STK26: variants seen among roughly 807,000 people sequenced by gnomAD.
STK26 encodes serine/threonine-protein kinase 26.
STK26 carries 14 observed loss-of-function variants against 34.7 expected under a neutral mutation model. The ratio of observed to expected loss-of-function variants is 0.40; its 90% CI spans 0.27 to 0.63. STK26 has a LOEUF of 0.63. Ranked by LOEUF, STK26 falls within the 30% of genes least tolerant of loss-of-function variation. The pLI, the probability that STK26 is intolerant of heterozygous loss-of-function variation, is 0.38. For missense variants in STK26, 226 were observed against 309.1 expected (o/e 0.73, Z 2.02); for synonymous variants, 100 against 109.8 (o/e 0.91, Z 0.56).
At chrX:132,037,769 C>CTTTT (rs755403402) in intron 2 of STK26, among the ~76,000 whole-genome samples, 1,264 of 51,785 alleles carry the variant, frequency 0.024, 46 homozygotes, top group Non-Finnish European at 0.035. Context: ...CGGAGAGCTG[C>CTTTT]TTTTTTTTTT....
At chrX:132,071,687 G>T (rs1018919071) in intron 8 of STK26, among the ~76,000 whole-genome samples, 2 of 111,748 alleles carry the variant, frequency 1.8e-5, no homozygotes, top group Non-Finnish European at 3.8e-5. Context: ...TGAAAAAGTT[G>T]TAGGGTTTTA....
chrX:132,027,569 C>G (rs1229829861), intron 2 of STK26, among the ~76,000 whole-genome samples: 1 of 111,809 alleles, frequency 8.9e-6, no homozygotes, highest in African/African-American at 3.3e-5. Context: ...TGCACACACA[C>G]ACACAATCTT....
chrX:132,030,362 T>G (rs188263236), intron 2 of STK26, among the ~76,000 whole-genome samples: 1 of 110,295 alleles, frequency 9.1e-6, no homozygotes, highest in East Asian at 2.8e-4. Flanking sequence ...TTCAGGGTCC[T>G]CTCACTGGTG....
At chrX:132,040,065 G>A (rs137969389) in intron 2 of STK26, among the ~76,000 whole-genome samples, 2 of 112,066 alleles carry the variant, frequency 1.8e-5, no homozygotes, top group African/African-American at 6.5e-5. Context: ...AATACTGTCT[G>A]TAACCTAGTC....
chrX:132,071,383 T>C lies in STK26; in HGVS notation c.932+166T>C, dbSNP rs184964156. Among the ~76,000 whole-genome samples, 252 of 112,474 alleles carry C rather than the reference T, an allele frequency of 2.2e-3. 1 individual carries two copies. The highest frequency in any genetic ancestry group is 7.7e-3 in the African/African-American group (240 of 31,028). On this transcript the variant is annotated intron_variant, in intron 8 of 11. Coordinates refer to ENST00000394334, the MANE Select transcript of STK26 (RefSeq NM_016542.4). ...TTCAATCACAGTCTGTGGAATACAA[T>C]GGAGTTGGAAACATGTTTTTCTTGG... is the stretch of plus-strand genomic sequence containing the variant.
At chrX:132,068,071 C>A (rs183268938) in intron 4 of STK26, 144 bp from the exon 5 acceptor site, 187 of 399,534 alleles carry the variant, frequency 4.7e-4, no homozygotes, top group Non-Finnish European at 8.6e-5. Flanking sequence ...TACATTTTTC[C>A]TTCCTTGTTT....
intron 2 of STK26, among the ~76,000 whole-genome samples, chrX:132,027,109 C>T (rs1267808871): frequency 4.5e-5 from 5 of 112,121 alleles, no homozygotes; most frequent in Non-Finnish European, 7.5e-5. Flanking sequence ...AAGTTTCTCA[C>T]TGGAAGTGTT....
chrX:132,054,608 T>C, intron 2 of STK26, 23 bp from the exon 3 acceptor site: 1 of 1,150,789 alleles, frequency 8.7e-7, no homozygotes. Context: ...TTCTTTCTTT[T>C]TCTCGTTCCC....
Position 132,033,646 on chromosome X carries a change from C to T in STK26, c.42+9987C>T, listed in dbSNP as rs143891184. 6.1e-3 allele frequency among the ~76,000 whole-genome samples: 679 copies of T among 111,271 alleles called. 2 individuals carry two copies. The highest frequency in any genetic ancestry group is 0.014 in the Middle Eastern group (3 of 218). ...CTTTACCAGCTTGGACAGTGGTGAC[C>T]CAGGTTTTATGTTTTTACACACACA... is the stretch of plus-strand genomic sequence containing the variant. On this transcript the variant is annotated intron_variant, in intron 2 of 11. Transcript: ENST00000394334.
At chrX:132,064,966 C>A (rs974414893) in intron 4 of STK26, among the ~76,000 whole-genome samples, 2 of 111,396 alleles carry the variant, frequency 1.8e-5, no homozygotes, top group African/African-American at 6.5e-5. Flanking sequence ...ATTTTCTTTC[C>A]TTTAGGCAGA....
In STK26 at chrX:132,071,198, G is replaced by C; in HGVS notation, c.913G>C (p.Asp305His). The change falls in exon 8 of 12, where the codon GAT becomes CAT. Residue 305 changes from aspartate to histidine, a missense_variant. Around this residue, in one of 2 missense-constraint regions of STK26, gnomAD observed 126 missense variants for 132.4 expected, o/e 0.95. Transcript: ENST00000394334. ...AGAAGGACACAGTGATGATGAATCT[G>C]ATTCCGAGGGCTCTGATTCGTATGT... ...KAEGHSDDES[D>H]SEGSDSESTS... 1 of 1,209,464 alleles carries C rather than the reference G, an allele frequency of 8.3e-7. No homozygotes were observed. The highest frequency in any genetic ancestry group is 1.8e-5 in the South Asian group (1 of 56,407).
chrX:132,066,335 A>T (rs753283594), intron 4 of STK26, among the ~76,000 whole-genome samples: 1 of 112,184 alleles, frequency 8.9e-6, no homozygotes, highest in African/African-American at 3.2e-5. Context: ...ACCATAAGAG[A>T]GGGCATAAAA....
At chrX:132,071,024 G>C in intron 7 of STK26, 45 bp from the exon 8 acceptor site, 1 of 1,150,215 alleles carries the variant, frequency 8.7e-7, no homozygotes, top group Non-Finnish European at 1.2e-6. Flanking sequence ...GTAATCATAA[G>C]AGTTCAACAA....
chrX:132,060,808 GGACT>G (rs1458218227), intron 3 of STK26, among the ~76,000 whole-genome samples: 1 of 108,824 alleles, frequency 9.2e-6, no homozygotes, highest in Non-Finnish European at 1.9e-5. Flanking sequence ...GTAGAGATGA[GGACT>G]CCCTATGTTG....
At chrX:132,024,896 T>A (rs1011560194) in intron 2 of STK26, among the ~76,000 whole-genome samples, 1 of 109,971 alleles carries the variant, frequency 9.1e-6, no homozygotes, top group Non-Finnish European at 1.9e-5. Flanking sequence ...TTAGGGCAAG[T>A]CTGGGTTGAG....
At chrX:132,072,117 C>T (rs903594553) in intron 8 of STK26, 151 bp from the exon 9 acceptor site, 10 of 462,638 alleles carry the variant, frequency 2.2e-5, no homozygotes, top group East Asian at 1.9e-4. Flanking sequence ...ATGTAGTATT[C>T]GCCTGAAGCT....
chrX:132,059,809 G>A (rs983788423), intron 3 of STK26, among the ~76,000 whole-genome samples: 2 of 110,798 alleles, frequency 1.8e-5, no homozygotes, highest in Non-Finnish European at 3.8e-5. Flanking sequence ...ATTGAATGAA[G>A]TAAAATATTT....
chrX:132,044,912 A>G (rs1399015658), intron 2 of STK26, among the ~76,000 whole-genome samples: 4 of 101,854 alleles, frequency 3.9e-5, no homozygotes, highest in African/African-American at 1.4e-4. Context: ...ATCTATCTAT[A>G]TAGAGAAACA....
intron 3 of STK26, among the ~76,000 whole-genome samples, chrX:132,058,657 AG>A: frequency 9.0e-6 from 1 of 111,500 alleles, no homozygotes; most frequent in East Asian, 2.8e-4. Context: ...ATTAAAAACT[AG>A]TTTTTTGTTT....
Sources: allele counts gnomAD v4.1 joint callset (sites outside exome capture counted in the v4.1 genomes callset), GRCh38; gene constraint gnomAD v4.1.1; regional missense constraint gnomAD v4.1.1; transcripts MANE v1.5; gene names NCBI Gene and HGNC (gene_info 2026-07-23, HGNC 2026-07-21).